Variants in VSTM2B observed in about 807,000 individuals in gnomAD.
The protein encoded by VSTM2B is V-set and transmembrane domain containing 2B.
In VSTM2B, 24 loss-of-function variants were observed where a neutral mutation model predicts 24.0. The observed-to-expected ratio is 1.00, with a 90% CI of 0.72 to 1.40. The LOEUF (loss-of-function observed/expected upper bound fraction) is 1.40. Ranked by LOEUF, VSTM2B falls within the 40% of genes most tolerant of loss-of-function variation. VSTM2B has a pLI of 0.00. For missense variants in VSTM2B, 399 were observed against 416.4 expected, an observed-to-expected ratio of 0.96 and a Z score of 0.36; for synonymous variants, 226 against 194.4, an observed-to-expected ratio of 1.16 and a Z score of -1.35.
chr19:29,540,525 C>A (rs1399598455), intron 4 of VSTM2B, among the ~76,000 whole-genome samples: 1 of 152,192 alleles, frequency 6.6e-6, no homozygotes, highest in Non-Finnish European at 1.5e-5. Context: ...CAGTTCTTTC[C>A]CTGTCCTGCA....
intron 4 of VSTM2B, among the ~76,000 whole-genome samples, chr19:29,550,638 C>T (rs1397747781): frequency 6.6e-6 from 1 of 152,098 alleles, no homozygotes; most frequent in African/African-American, 2.4e-5. Flanking sequence ...TAGTGGCTGC[C>T]TGTACTCGGT....
Position 29,526,648 on chromosome 19 carries a change from TG to T in VSTM2B, c.66del (p.Leu23SerfsTer15). ...CCGCCTCTGCTGCTGCATGCCCTGC[TG>T]CTCTTCGTGGCCGACGGTGAGCGCG... ...YLPPLLLHAL[L>X]LFVADAAFTE... is the part of the protein sequence containing the mutation. On this transcript the variant is annotated frameshift_variant, in exon 1 of 5. Coordinates refer to ENST00000335523, the MANE Select transcript of VSTM2B (RefSeq NM_001146339.2). LOFTEE classifies it high-confidence loss of function. The surrounding 1 kb of genome is among the most constrained non-coding windows in gnomAD (Gnocchi z 4.1). 6.5e-7 allele frequency: 1 copy of T among 1,529,834 alleles called. No homozygotes were observed. 94.8% of individuals were successfully genotyped at this position (1,529,834 alleles called of 1,614,324 possible). A position where few individuals can be genotyped will look rare whatever the true frequency, so the allele number is the denominator to read the frequency against.
At chr19:29,551,987 TG>T (rs1475079798) in intron 4 of VSTM2B, among the ~76,000 whole-genome samples, 2 of 152,226 alleles carry the variant, frequency 1.3e-5, no homozygotes, top group African/African-American at 2.4e-5. Context: ...AATTTGGGCC[TG>T]GGACCTGTCA....
At chr19:29,527,117 G>A in intron 1 of VSTM2B, 94 bp from the exon 2 acceptor site, 1 of 1,174,442 alleles carries the variant, frequency 8.5e-7, no homozygotes, top group Non-Finnish European at 1.2e-6. Flanking sequence ...GGGGGCACAA[G>A]GCCAGCCAGC....
intron 4 of VSTM2B, among the ~76,000 whole-genome samples, chr19:29,541,936 T>C (rs1970028706): frequency 6.7e-6 from 1 of 150,308 alleles, no homozygotes; most frequent in African/African-American, 2.5e-5. Flanking sequence ...GATGGGAGAA[T>C]GAATGGATGG....
At chr19:29,549,064 T>C (rs1486130863) in intron 4 of VSTM2B, among the ~76,000 whole-genome samples, 1 of 152,188 alleles carries the variant, frequency 6.6e-6, no homozygotes, top group African/African-American at 2.4e-5. Flanking sequence ...AGTCCTGGGG[T>C]TGCTGATTCT....
At chr19:29,535,554 A>C (rs1330352101) in intron 4 of VSTM2B, among the ~76,000 whole-genome samples, 1 of 152,268 alleles carries the variant, frequency 6.6e-6, no homozygotes, top group Admixed American at 6.5e-5. Flanking sequence ...TGAGAGAAAG[A>C]CAGCCAAGGC....
intron 4 of VSTM2B, among the ~76,000 whole-genome samples, chr19:29,537,951 C>T (rs570939243): frequency 2.6e-4 from 40 of 152,270 alleles, no homozygotes; most frequent in African/African-American, 4.3e-4. Context: ...AAGCATCACC[C>T]GAGGGACACT....
In VSTM2B at chr19:29,526,712, G is replaced by C; in HGVS notation, c.82+47G>C. 4 of 1,467,848 alleles carry C rather than the reference G, an allele frequency of 2.7e-6. No homozygotes were observed. Among genetic ancestry groups the C allele is most frequent in the African/African-American group, 1.4e-5 (1 of 70,688 alleles). 90.9% of individuals were successfully genotyped at this position (1,467,848 alleles called of 1,614,324 possible). A position where few individuals can be genotyped will look rare whatever the true frequency, so the allele number is the denominator to read the frequency against. On this transcript the variant is annotated intron_variant, in intron 1 of 4. Transcript: ENST00000335523. The surrounding 1 kb of genome is among the most constrained non-coding windows in gnomAD (Gnocchi z 4.1). ...CCGCTGTGGACTCGGGGGGGTCTTT[G>C]CTGGGGCCGCCACCGAGAAGAAGAA...
chr19:29,552,280 GT>G (rs1970301792), intron 4 of VSTM2B, among the ~76,000 whole-genome samples: 1 of 152,218 alleles, frequency 6.6e-6, no homozygotes, highest in African/African-American at 2.4e-5. Flanking sequence ...GAATCAGGTA[GT>G]AAAAGGTTGC....
At position 29,526,942 on chromosome 19, in the gene VSTM2B, G is replaced by C. The variant is rs1233373363; in HGVS notation, c.83-269G>C. Reference sequence around the variant, plus strand: ...AGGCGCGCCCCAGCCAGGCTCTGGCGGTGCGGCCAGGGGCGGGGGAGAAGC... The same window carrying C: ...AGGCGCGCCCCAGCCAGGCTCTGGCCGTGCGGCCAGGGGCGGGGGAGAAGC... On this transcript the variant is annotated intron_variant, in intron 1 of 4. Transcript: ENST00000335523. The surrounding 1 kb of genome is among the most constrained non-coding windows in gnomAD (Gnocchi z 4.1). 6.4e-6 allele frequency: 3 copies of C among 465,382 alleles called. No individual in the cohort carries two copies. The highest frequency in any genetic ancestry group is 7.9e-5 in the South Asian group (2 of 25,170). The allele number at this position is 465,382 out of a possible 1,614,324, so 28.8% of individuals were successfully genotyped here.
chr19:29,560,174 C>G (rs1970494666), intron 4 of VSTM2B, among the ~76,000 whole-genome samples: 2 of 152,100 alleles, frequency 1.3e-5, no homozygotes, highest in Admixed American at 1.3e-4. Flanking sequence ...CGATAATGTT[C>G]CGCCAGCAAA....
In VSTM2B at chr19:29,563,828, T is replaced by C. The variant is rs1282839072; in HGVS notation, c.770-18T>C. On this transcript the variant is annotated intron_variant, in intron 4 of 4. Coordinates refer to ENST00000335523, the MANE Select transcript of VSTM2B (RefSeq NM_001146339.2). ...GAGACTCAGGTGTTAACCTTGCCTGTTTTCTCATCCCCTGCAGGCACCGGC... is the reference window on the plus strand; with the variant it reads ...GAGACTCAGGTGTTAACCTTGCCTGCTTTCTCATCCCCTGCAGGCACCGGC... 10 of 1,551,062 alleles carry C rather than the reference T, an allele frequency of 6.4e-6. No individual in the cohort carries two copies. The highest frequency in any genetic ancestry group is 8.7e-6 in the Non-Finnish European group (10 of 1,146,196).
Position 29,526,573 on chromosome 19 carries a change from C to A in VSTM2B, c.-11C>A. On this transcript the variant is annotated 5_prime_UTR_variant, in exon 1 of 5. Coordinates refer to ENST00000335523, the MANE Select transcript of VSTM2B (RefSeq NM_001146339.2). This position sits in a 1 kb window ranked among gnomAD's most constrained non-coding sequence, Gnocchi z 4.1. ...CCCGGGCCCCCGCCGCCACCGCGCC[C>A]CCCGCGGGAGATGGAACAGCGGAAC... 6.6e-7 allele frequency: 1 copy of A among 1,509,412 alleles called. No individual in the cohort carries two copies. The highest frequency in any genetic ancestry group is 1.2e-5 in the South Asian group (1 of 81,094). 93.5% of individuals were successfully genotyped at this position (1,509,412 alleles called of 1,614,324 possible).
At position 29,529,926 on chromosome 19, in the gene VSTM2B, C is replaced by G. The variant is rs1969692510; in HGVS notation, c.405C>G (p.Asp135Glu). Residue 135 changes from aspartate (D) to glutamate (E), a missense_variant, in exon 4 of 5, where the codon GAC (aspartate) becomes GAG (glutamate). Physicochemically the swap from Asp to Glu is conservative, Grantham distance 45 (BLOSUM62 2). Coordinates refer to ENST00000335523, the MANE Select transcript of VSTM2B (RefSeq NM_001146339.2). ...YECRVSDYSD[D>E]DTQEHKAQAM... ...GCCGCGTGTCGGACTACAGCGACGA[C>G]GACACGCAGGAGCACAAGGCCCAGG... is the stretch of plus-strand genomic sequence containing the variant. 1.9e-6 allele frequency: 3 copies of G among 1,550,072 alleles called. No homozygotes were observed. The highest frequency in any genetic ancestry group is 3.3e-4 in the Middle Eastern group (2 of 5,986).
Position 29,528,596 on chromosome 19 carries a change from A to C in VSTM2B, c.297+134A>C, listed in dbSNP as rs1000867480. On this transcript the variant is annotated intron_variant, in intron 3 of 4. Coordinates refer to ENST00000335523, the MANE Select transcript of VSTM2B (RefSeq NM_001146339.2). Reference sequence around the variant, plus strand: ...AGTAGGGCAGCGATCGCAGCCTTGCATCGGTGGCTGCTCGGCGTGTCCGGG... The same window carrying C: ...AGTAGGGCAGCGATCGCAGCCTTGCCTCGGTGGCTGCTCGGCGTGTCCGGG... 2.4e-5 allele frequency: 27 copies of C among 1,141,070 alleles called. No individual in the cohort carries two copies. In the East Asian group the frequency reaches 5.7e-4, roughly 24 times the overall value. The allele number at this position is 1,141,070 out of a possible 1,614,324, so 70.7% of individuals were successfully genotyped here. A position where few individuals can be genotyped will look rare whatever the true frequency, so the allele number is the denominator to read the frequency against.
chr19:29,552,704 A>T (rs1481491999), intron 4 of VSTM2B, among the ~76,000 whole-genome samples: 1 of 152,218 alleles, frequency 6.6e-6, no homozygotes, highest in Non-Finnish European at 1.5e-5. Flanking sequence ...CCTGCTGCCT[A>T]AGATGGCTAA....
At chr19:29,546,174 A>G (rs892071) in intron 4 of VSTM2B, among the ~76,000 whole-genome samples, 61,128 of 152,008 alleles carry the variant, frequency 0.4, 12,417 homozygotes, top group East Asian at 0.46. Flanking sequence ...GGAACAGGAA[A>G]GGAATCTAGC....
intron 4 of VSTM2B, among the ~76,000 whole-genome samples, chr19:29,537,541 G>A (rs893143411): frequency 6.6e-6 from 1 of 152,138 alleles, no homozygotes; most frequent in African/African-American, 2.4e-5. Context: ...CTGTTCTGTC[G>A]TTACTGCTCT....
Sources: allele counts gnomAD v4.1 joint callset (sites outside exome capture counted in the v4.1 genomes callset), GRCh38; gene constraint gnomAD v4.1.1; non-coding constraint Gnocchi (gnomAD v3.1); transcripts MANE v1.5; gene names NCBI Gene and HGNC (gene_info 2026-07-23, HGNC 2026-07-21).